Variants in UBL7 observed in about 807,000 individuals in gnomAD.
The protein encoded by UBL7 is ubiquitin-like protein 7.
A neutral mutation model predicts 41.7 loss-of-function variants in UBL7; 21 were observed. The ratio of observed to expected loss-of-function variants is 0.50; its 90% CI spans 0.36 to 0.73. UBL7 has a LOEUF of 0.73. Ranked by LOEUF, UBL7 falls within the 30% of genes least tolerant of loss-of-function variation. UBL7 has a pLI of 0.00. For synonymous variants in UBL7, 157 were observed against 186.9 expected (o/e 0.84, Z 1.31); for missense variants, 403 against 478.4 (o/e 0.84, Z 1.47).
chr15:74,449,688 G>A lies in UBL7; in HGVS notation c.665-13C>T, dbSNP rs765276011. ...AACAGGAAGCCACCTGGAGGAGGAC[G>A]AACAGATTTCAGGAGGAAGAACAGA... On this transcript the variant is annotated splice_polypyrimidine_tract_variant and intron_variant, in intron 7 of 10. Coordinates refer to ENST00000395081, the MANE Select transcript of UBL7 (RefSeq NM_032907.5). 15 of 1,613,932 alleles carry A rather than the reference G, an allele frequency of 9.3e-6. No individual in the cohort carries two copies. The African/African-American group carries it at 1.2e-4, about 13-fold the overall frequency.
intron 3 of UBL7, among the ~76,000 whole-genome samples, chr15:74,455,514 G>C (rs1034202937): frequency 2.0e-5 from 3 of 152,198 alleles, no homozygotes; most frequent in Non-Finnish European, 4.4e-5. Flanking sequence ...AGGAAGATTT[G>C]TTAACAAGGG....
chr15:74,450,868 G>C lies in UBL7; in HGVS notation c.473-9C>G, dbSNP rs2061238626. On this transcript the variant is annotated splice_polypyrimidine_tract_variant and intron_variant, in intron 5 of 10. Transcript: ENST00000395081. The stretch of plus-strand genomic sequence containing the variant: ...CTTGTCCTGGAGAACCCCTGAAAAA[G>C]AGCAGAGCTCACCTCAAAGAAAGGA... 1 of 1,613,104 alleles carries C rather than the reference G, an allele frequency of 6.2e-7. No individual in the cohort carries two copies. Among genetic ancestry groups the C allele is most frequent in the African/African-American group, 1.3e-5 (1 of 74,914 alleles).
chr15:74,457,114 T>C (rs1360953085), intron 2 of UBL7, among the ~76,000 whole-genome samples: 1 of 152,174 alleles, frequency 6.6e-6, no homozygotes, highest in Non-Finnish European at 1.5e-5. Flanking sequence ...GCCTAGCCAA[T>C]TAAATACATT....
intron 8 of UBL7, 59 bp from the exon 9 acceptor site, chr15:74,449,412 T>G: frequency 1.9e-6 from 3 of 1,586,074 alleles, no homozygotes; most frequent in Non-Finnish European, 2.6e-6. Flanking sequence ...CCAGATGAAC[T>G]CCACCCACCT....
rs769892860 is a variant in UBL7, at chr15:74,451,429, C to T, written c.472+7G>A. 4 of 1,613,594 alleles carry T rather than the reference C, an allele frequency of 2.5e-6. No homozygotes were observed. Among genetic ancestry groups the T allele is most frequent in the South Asian group, 1.1e-5 (1 of 91,056 alleles). On this transcript the variant is annotated splice_region_variant and intron_variant, in intron 5 of 10. Coordinates refer to ENST00000395081, the MANE Select transcript of UBL7 (RefSeq NM_032907.5). Reference sequence around the variant, plus strand: ...TCCTATTTCCTCAAATTCAGTCCTGCACTTACCAAGAGCAATAGGGTCACT... The same window carrying T: ...TCCTATTTCCTCAAATTCAGTCCTGTACTTACCAAGAGCAATAGGGTCACT...
intron 1 of UBL7, chr15:74,460,636 G>A: frequency 8.0e-7 from 1 of 1,242,302 alleles, no homozygotes; most frequent in African/African-American, 1.6e-5. Context: ...GAAAACAAAA[G>A]ACTAAAGTTT....
rs745986235 is a variant in UBL7 at position 74,452,313 on chromosome 15, A to G, written c.370T>C (p.Ser124Pro). ...RVLHTALHSS[S>P]SYREAVFKML... ...ACACTCACCGCCTCCCTGTAAGAGGAGCTGCTGTGCAGGGCAGTGTGCAAC... is the reference window on the plus strand; with the variant it reads ...ACACTCACCGCCTCCCTGTAAGAGGGGCTGCTGTGCAGGGCAGTGTGCAAC... Residue 124 changes from serine to proline, a missense_variant, in exon 4 of 11, where the codon TCC becomes CCC. By Grantham distance (74) the Ser-to-Pro change is moderately conservative. Transcript: ENST00000395081. 3.2e-6 allele frequency: 5 copies of G among 1,558,540 alleles called. No individual in the cohort carries two copies. The African/African-American group carries it at 6.8e-5, about 21-fold the overall frequency.
intron 5 of UBL7, among the ~76,000 whole-genome samples, 174 bp from the exon 6 acceptor site, chr15:74,451,033 T>G (rs1325910671): frequency 6.6e-6 from 1 of 152,176 alleles, no homozygotes; most frequent in Non-Finnish European, 1.5e-5. Flanking sequence ...ACTCCTCATC[T>G]TGGTCTAGTG....
chr15:74,452,186 A>G, intron 4 of UBL7, 110 bp downstream of exon 4: 3 of 1,133,542 alleles, frequency 2.6e-6, no homozygotes, highest in Non-Finnish European at 3.8e-6. Flanking sequence ...TCCCCAAGGA[A>G]CTCTTGGTTG....
Position 74,445,999 on chromosome 15 carries a change from TG to T in UBL7, c.*90del. ...CAGGAGAGTTGACCATCAGGTATAT[TG>T]GGGAAGGGAGAGATGGAGGCACCTT... is the stretch of plus-strand genomic sequence containing the variant. On this transcript the variant is annotated 3_prime_UTR_variant, in exon 11 of 11. Transcript: ENST00000395081. 2 of 1,514,648 alleles carry T rather than the reference TG, an allele frequency of 1.3e-6. No individual in the cohort carries two copies. The allele number at this position is 1,514,648 out of a possible 1,614,324, so 93.8% of individuals were successfully genotyped here.
rs1596212353 is a variant in UBL7 at position 74,449,261 on chromosome 15, C to G, written c.807G>C (p.Gln269His). The change falls in exon 9 of 11, where the codon CAG becomes CAC. Residue 269 changes from glutamine to histidine, a missense_variant. Coordinates refer to ENST00000395081, the MANE Select transcript of UBL7 (RefSeq NM_032907.5). ...SGAAGPRPIT[Q>H]SELATALALA... is the part of the protein sequence containing the mutation. Reference sequence around the variant, plus strand: ...GGGCCAAGGCGGTGGCCAGCTCACTCTGGGTGATGGGCCGGGGCCCAGCAG... The same window carrying G: ...GGGCCAAGGCGGTGGCCAGCTCACTGTGGGTGATGGGCCGGGGCCCAGCAG... 2 of 1,612,130 alleles carry G rather than the reference C, an allele frequency of 1.2e-6. 1 individual carries two copies. The highest frequency in any genetic ancestry group is 3.4e-4 in the Middle Eastern group (2 of 5,846).
rs781019077 is a variant in UBL7, at chr15:74,449,996, T to C, written c.604A>G (p.Met202Val). 34 of 1,613,468 alleles carry C rather than the reference T, an allele frequency of 2.1e-5. No homozygotes were observed. The highest frequency in any genetic ancestry group is 2.8e-5 in the Non-Finnish European group (33 of 1,179,834). ...CGGGAAGAGGAGTCAGTCCCAGGCA[T>C]TGGGGCACTGCCTGCTACGGAGTGC... ...VLHSVAGSAP[M>V]PGTDSSSRSM... is the part of the protein sequence containing the mutation. Residue 202 changes from methionine to valine, a missense_variant, in exon 7 of 11, where the codon ATG (methionine) becomes GTG (valine). Transcript: ENST00000395081.
At chr15:74,459,678 A>AT (rs954701770) in intron 1 of UBL7, among the ~76,000 whole-genome samples, 5 of 151,320 alleles carry the variant, frequency 3.3e-5, no homozygotes, top group Non-Finnish European at 7.4e-5. Context: ...AACTCTTCCA[A>AT]TGTCGGGCTG....
chr15:74,456,370 G>A (rs946118883), intron 3 of UBL7, among the ~76,000 whole-genome samples, 182 bp downstream of exon 3: 2 of 152,144 alleles, frequency 1.3e-5, no homozygotes, highest in Admixed American at 1.3e-4. Flanking sequence ...GCAGTAAGAA[G>A]GTCAAAATTG....
Position 74,452,386 on chromosome 15 carries a change from A to C in UBL7, c.305-8T>G. On this transcript the variant is annotated splice_region_variant and splice_polypyrimidine_tract_variant and intron_variant, in intron 3 of 10. Transcript: ENST00000395081. ...CCACTTTGTCCACAGGTTCTGGGGG[A>C]CAAGACATTCAGAGTTACCCTATAG... 1.3e-6 allele frequency: 2 copies of C among 1,555,304 alleles called. No individual in the cohort carries two copies. Among genetic ancestry groups the C allele is most frequent in the Non-Finnish European group, 1.7e-6 (2 of 1,148,540 alleles).
rs149863333 is a variant in UBL7, at chr15:74,447,599, C to T, written c.1005+879G>A. 2.3e-3 allele frequency among the ~76,000 whole-genome samples: 349 copies of T among 152,162 alleles called. 1 individual carries two copies. The highest frequency in any genetic ancestry group is 8.0e-3 in the African/African-American group (332 of 41,496). On this transcript the variant is annotated intron_variant, in intron 10 of 10. Coordinates refer to ENST00000395081, the MANE Select transcript of UBL7 (RefSeq NM_032907.5). Reference sequence around the variant, plus strand: ...GTGCATACCTGTAGTCCCAGCTACCCGGGAGGCTGAGGTGGGAGGATCACC... The same window carrying T: ...GTGCATACCTGTAGTCCCAGCTACCTGGGAGGCTGAGGTGGGAGGATCACC...
Position 74,450,817 on chromosome 15 carries a change from G to T in UBL7, c.515C>A (p.Pro172His), listed in dbSNP as rs771071313. 1.2e-6 allele frequency: 2 copies of T among 1,613,520 alleles called. No homozygotes were observed. Among genetic ancestry groups the T allele is most frequent in the Non-Finnish European group, 1.7e-6 (2 of 1,179,636 alleles). ...GTACACTTACGTATCAAGCATATTG[G>T]GATCAGCGAAGACAGAGAAGAGGTC... is the stretch of plus-strand genomic sequence containing the variant. ...DKDLFSVFAD[P>H]NMLDTLVPAH... Residue 172 changes from proline (P) to histidine (H), a missense_variant, in exon 6 of 11, where the codon CCC (proline) becomes CAC (histidine). Pro to His is a moderately conservative substitution (Grantham distance 77). Coordinates refer to ENST00000395081, the MANE Select transcript of UBL7 (RefSeq NM_032907.5).
intron 3 of UBL7, among the ~76,000 whole-genome samples, chr15:74,452,740 G>C (rs1045275315): frequency 6.6e-6 from 1 of 152,166 alleles, no homozygotes; most frequent in Non-Finnish European, 1.5e-5. Context: ...TTTTCAGACA[G>C]TCTCACCTCT....
At chr15:74,460,761 T>C (rs2061341432) in intron 1 of UBL7, 2 of 1,282,870 alleles carry the variant, frequency 1.6e-6, no homozygotes, top group Non-Finnish European at 2.0e-6. Context: ...GTCATCATTA[T>C]TGCTTCCAAA....
Sources: allele counts gnomAD v4.1 joint callset (sites outside exome capture counted in the v4.1 genomes callset), GRCh38; gene constraint gnomAD v4.1.1; transcripts MANE v1.5; gene names NCBI Gene and HGNC (gene_info 2026-07-23, HGNC 2026-07-21).